Variants in INPP4A observed in about 807,000 individuals in gnomAD.
INPP4A encodes inositol polyphosphate-4-phosphatase, type I, 107kD.
In INPP4A, 33 loss-of-function variants were observed where a neutral mutation model predicts 119.8. That is an observed-to-expected ratio of 0.28 (90% CI 0.21 to 0.37). The LOEUF (loss-of-function observed/expected upper bound fraction) is 0.37. Among genes scored for constraint, INPP4A ranks in the 10% least tolerant of loss-of-function variants. The pLI is 1.00. For synonymous variants in INPP4A, 496 were observed against 500.7 expected (o/e 0.99, Z 0.12); for missense variants, 956 against 1,289.9 (o/e 0.74, Z 3.97).
intron 10 of INPP4A, among the ~76,000 whole-genome samples, chr2:98,540,499 G>C (rs1397381168): frequency 6.6e-6 from 1 of 152,188 alleles, no homozygotes; most frequent in Non-Finnish European, 1.5e-5. Flanking sequence ...TATGTCCCCT[G>C]TCTCTCTCTG....
chr2:98,573,921 C>T (rs1697951056), intron 23 of INPP4A, among the ~76,000 whole-genome samples: 1 of 152,218 alleles, frequency 6.6e-6, no homozygotes. Flanking sequence ...GAACATTCCC[C>T]TCCATCTTTT....
chr2:98,554,000 G>A (rs1393493047), intron 14 of INPP4A, among the ~76,000 whole-genome samples: 1 of 152,254 alleles, frequency 6.6e-6, no homozygotes, highest in Non-Finnish European at 1.5e-5. Flanking sequence ...CAGGTCAGAG[G>A]TAGGCAGGGA....
At chr2:98,560,714 G>A (rs1006225534) in intron 17 of INPP4A, among the ~76,000 whole-genome samples, 4 of 152,190 alleles carry the variant, frequency 2.6e-5, no homozygotes, top group East Asian at 1.9e-4. Flanking sequence ...CAGTGCCTTC[G>A]GACTGAGCTG....
chr2:98,460,709 G>A (rs926482774), intron 1 of INPP4A, among the ~76,000 whole-genome samples: 9 of 152,134 alleles, frequency 5.9e-5, no homozygotes, highest in African/African-American at 1.7e-4. Context: ...TGGATGCTGC[G>A]GCTCACCCAG....
intron 17 of INPP4A, among the ~76,000 whole-genome samples, chr2:98,561,443 A>G (rs1695454804): frequency 6.6e-6 from 1 of 152,186 alleles, no homozygotes; most frequent in Non-Finnish European, 1.5e-5. Context: ...ACTTTTAAAA[A>G]ATTGTTCCAG....
intron 11 of INPP4A, among the ~76,000 whole-genome samples, chr2:98,544,780 C>G (rs1692167067): frequency 6.6e-6 from 1 of 152,186 alleles, no homozygotes; most frequent in Admixed American, 6.5e-5. Flanking sequence ...GGTTTTGACA[C>G]AGAACATGTG....
chr2:98,532,485 G>A (rs1312842380), intron 4 of INPP4A, among the ~76,000 whole-genome samples: 1 of 152,200 alleles, frequency 6.6e-6, no homozygotes, highest in Non-Finnish European at 1.5e-5. Flanking sequence ...GTATAGTCGT[G>A]TGTCATTTAA....
At chr2:98,516,521 C>T (rs933043149) in intron 1 of INPP4A, among the ~76,000 whole-genome samples, 41 of 152,284 alleles carry the variant, frequency 2.7e-4, no homozygotes, top group African/African-American at 8.7e-4. Flanking sequence ...TTCCCCAGGG[C>T]TGGCAGGATG....
In INPP4A at chr2:98,492,752, C is replaced by T. The variant is rs138848193; in HGVS notation, c.-165-26212C>T. Among the ~76,000 whole-genome samples the T allele has an allele frequency of 6.8e-4, 104 of 152,298 alleles. 2 individuals are homozygous for T. The East Asian group carries it at 0.01, about 15-fold the overall frequency. ...ACTCTTGGACTGTCTTGTATCAGTTCGATATCTGAGGGACTCACTGGGAAA... is the reference window on the plus strand; with the variant it reads ...ACTCTTGGACTGTCTTGTATCAGTTTGATATCTGAGGGACTCACTGGGAAA... On this transcript the variant is annotated intron_variant, in intron 1 of 24. Coordinates refer to ENST00000409851, the MANE Select transcript of INPP4A (RefSeq NM_001134225.2).
intron 24 of INPP4A, among the ~76,000 whole-genome samples, chr2:98,580,522 G>A (rs1054247703): frequency 1.2e-4 from 18 of 152,240 alleles, no homozygotes; most frequent in South Asian, 1.0e-3. Flanking sequence ...TGAACCCCTC[G>A]AAGTAGGCCT....
intron 1 of INPP4A, among the ~76,000 whole-genome samples, chr2:98,514,985 T>C (rs1685832417): frequency 6.6e-6 from 1 of 151,788 alleles, no homozygotes. Context: ...AGCTTTTGGA[T>C]AGCTGAGCAT....
chr2:98,581,152 A>G (rs901918724), intron 24 of INPP4A, among the ~76,000 whole-genome samples: 14 of 152,118 alleles, frequency 9.2e-5, no homozygotes, highest in African/African-American at 1.4e-4. Context: ...CAAATCCCCA[A>G]TGGTTCTTCA....
At chr2:98,459,032 A>G (rs923425103) in intron 1 of INPP4A, among the ~76,000 whole-genome samples, 28 of 152,346 alleles carry the variant, frequency 1.8e-4, no homozygotes, top group African/African-American at 5.1e-4. Context: ...ATTTGCCACC[A>G]GTGTGATTGG....
At chr2:98,519,275 C>T (rs2278214) in intron 2 of INPP4A, 35,159 of 152,226 alleles carry the variant, frequency 0.23, 4,347 homozygotes, top group Middle Eastern at 0.32. Flanking sequence ...TAATCTAGTT[C>T]TGAGAGCAGA....
chr2:98,573,915 A>G (rs1281254898), intron 23 of INPP4A, among the ~76,000 whole-genome samples: 1 of 152,160 alleles, frequency 6.6e-6, no homozygotes, highest in African/African-American at 2.4e-5. Context: ...AAGAGTGAAC[A>G]TTCCCCTCCA....
At chr2:98,508,158 G>C (rs921166802) in intron 1 of INPP4A, among the ~76,000 whole-genome samples, 1 of 152,220 alleles carries the variant, frequency 6.6e-6, no homozygotes, top group African/African-American at 2.4e-5. Flanking sequence ...GTTAGAGGCT[G>C]TTCTAGTGGC....
chr2:98,562,335 TC>T (rs1327599078), intron 17 of INPP4A, among the ~76,000 whole-genome samples: 5 of 152,238 alleles, frequency 3.3e-5, no homozygotes, highest in African/African-American at 1.2e-4. Context: ...TTTCAGTATT[TC>T]TTTAGGTTGG....
At chr2:98,537,174 TG>T (rs1363958856) in intron 7 of INPP4A, among the ~76,000 whole-genome samples, 6 of 152,120 alleles carry the variant, frequency 3.9e-5, no homozygotes, top group Non-Finnish European at 8.8e-5. Context: ...ACAAAGGAAA[TG>T]GTCAGTAGAT....
chr2:98,480,493 C>T (rs1005758299), intron 1 of INPP4A, among the ~76,000 whole-genome samples: 6 of 152,166 alleles, frequency 3.9e-5, no homozygotes, highest in Admixed American at 3.3e-4. Context: ...AAAGGACTGT[C>T]GTCATTTTAC....
Sources: gnomAD v4.1 joint callset for allele counts (sites outside exome capture counted in the v4.1 genomes callset) on GRCh38, gnomAD v4.1.1 for gene constraint, MANE v1.5 for transcripts, NCBI Gene and HGNC (gene_info 2026-07-23, HGNC 2026-07-21) for gene names.